The following TTC17 variants were observed in gnomAD, a reference collection of about 807,000 sequenced individuals.
TTC17 encodes the protein tetratricopeptide repeat protein 17.
TTC17 carries 58 observed loss-of-function variants against 143.8 expected under a neutral mutation model. The ratio of observed to expected loss-of-function variants is 0.40; its 90% CI spans 0.33 to 0.50. The LOEUF (loss-of-function observed/expected upper bound fraction) is 0.50. Ranked by LOEUF, TTC17 falls within the 20% of genes least tolerant of loss-of-function variation. The pLI is 0.49. For synonymous variants in TTC17, 501 were observed against 497.8 expected (o/e 1.01, Z -0.09); for missense variants, 1,273 against 1,392.5 (o/e 0.91, Z 1.37).
chr11:43,467,729 A>AC (rs1490649250), intron 21 of TTC17, among the ~76,000 whole-genome samples: 1 of 152,256 alleles, frequency 6.6e-6, no homozygotes, highest in African/African-American at 2.4e-5. Context: ...AGATAGGTCA[A>AC]AACAGGTTAT....
intron 16 of TTC17, among the ~76,000 whole-genome samples, chr11:43,438,099 A>G (rs1283444645): frequency 6.6e-6 from 1 of 152,250 alleles, no homozygotes; most frequent in African/African-American, 2.4e-5. Flanking sequence ...TCTGACTTCA[A>G]ATCAGATCAC....
At chr11:43,465,134 C>T (rs57636547) in intron 21 of TTC17, among the ~76,000 whole-genome samples, 41,059 of 152,022 alleles carry the variant, frequency 0.27, 6,165 homozygotes, top group African/African-American at 0.39. Context: ...AATGGCAAGA[C>T]CAGCAAGAAG....
At chr11:43,444,720 C>T (rs1325510400) in intron 18 of TTC17, among the ~76,000 whole-genome samples, 1 of 117,450 alleles carries the variant, frequency 8.5e-6, no homozygotes, top group East Asian at 2.7e-4. Flanking sequence ...TCACCAAATA[C>T]ATACACACAC....
chr11:43,442,794 T>C (rs1397380224), intron 16 of TTC17, among the ~76,000 whole-genome samples: 1 of 152,232 alleles, frequency 6.6e-6, no homozygotes, highest in Non-Finnish European at 1.5e-5. Context: ...ATTATTGTAG[T>C]ATATTGCTAT....
At chr11:43,425,322 G>GA (rs200325712) in intron 16 of TTC17, among the ~76,000 whole-genome samples, 31 of 150,712 alleles carry the variant, frequency 2.1e-4, no homozygotes, top group African/African-American at 6.6e-4. Flanking sequence ...CCTGTCTCTT[G>GA]AAAAAAAAAA....
intron 5 of TTC17, among the ~76,000 whole-genome samples, chr11:43,393,952 G>A (rs897912265): frequency 3.3e-5 from 5 of 152,256 alleles, no homozygotes; most frequent in South Asian, 4.1e-4. Context: ...CCTTCTCTCC[G>A]TGTCCTCACA....
At chr11:43,431,886 T>A (rs1251211821) in intron 16 of TTC17, among the ~76,000 whole-genome samples, 3 of 152,202 alleles carry the variant, frequency 2.0e-5, no homozygotes, top group African/African-American at 7.2e-5. Flanking sequence ...AAAGGTAAAG[T>A]AACTTGTCTT....
intron 1 of TTC17, among the ~76,000 whole-genome samples, chr11:43,369,192 G>A (rs1178574519): frequency 1.3e-5 from 2 of 152,212 alleles, no homozygotes; most frequent in Non-Finnish European, 2.9e-5. Context: ...ATTAGAAAAT[G>A]TGGACTGGTA....
At chr11:43,390,077 C>G (rs891078043) in intron 3 of TTC17, among the ~76,000 whole-genome samples, 3 of 151,980 alleles carry the variant, frequency 2.0e-5, no homozygotes, top group African/African-American at 2.4e-5. Context: ...GAGGCCAAGG[C>G]GGGAAGATTG....
At chr11:43,465,264 A>G (rs1947948710) in intron 21 of TTC17, among the ~76,000 whole-genome samples, 1 of 152,234 alleles carries the variant, frequency 6.6e-6, no homozygotes, top group Non-Finnish European at 1.5e-5. Context: ...TGTCTTTAGA[A>G]GATAACATCA....
At chr11:43,383,126 G>C (rs934855517) in intron 2 of TTC17, among the ~76,000 whole-genome samples, 6 of 151,958 alleles carry the variant, frequency 3.9e-5, no homozygotes, top group Non-Finnish European at 8.8e-5. Context: ...CAAACTCCTG[G>C]GCTCAAGCAG....
chr11:43,360,629 AAGT>A (rs1203573381), intron 1 of TTC17, among the ~76,000 whole-genome samples: 3 of 152,206 alleles, frequency 2.0e-5, no homozygotes, highest in Non-Finnish European at 4.4e-5. Context: ...TCAGCTGAAA[AAGT>A]AGCCCATCTA....
chr11:43,409,847 CTTT>C (rs1435453658), intron 15 of TTC17, among the ~76,000 whole-genome samples: 2 of 143,944 alleles, frequency 1.4e-5, no homozygotes, highest in African/African-American at 2.5e-5. Flanking sequence ...TTTTTCTTTT[CTTT>C]TTTTTTTTTG....
At chr11:43,360,575 C>T (rs1460519209) in intron 1 of TTC17, among the ~76,000 whole-genome samples, 3 of 152,176 alleles carry the variant, frequency 2.0e-5, no homozygotes, top group Admixed American at 6.5e-5. Flanking sequence ...GCTATTTATA[C>T]TCTATGACAT....
At chr11:43,388,306 TTAAG>T (rs1441198289) in intron 2 of TTC17, among the ~76,000 whole-genome samples, 3 of 152,112 alleles carry the variant, frequency 2.0e-5, no homozygotes, top group African/African-American at 4.8e-5. Flanking sequence ...TGTAGATACA[TTAAG>T]TATGATACCA....
intron 15 of TTC17, among the ~76,000 whole-genome samples, chr11:43,410,905 A>G (rs896195546): frequency 1.2e-4 from 18 of 152,188 alleles, no homozygotes; most frequent in Non-Finnish European, 1.8e-4. Flanking sequence ...TTTTCAAAAT[A>G]TACCTCAGAT....
At position 43,409,847 on chromosome 11, in the gene TTC17, C is replaced by CT. The variant is rs1435453658; in HGVS notation, c.2064+2282dup. Among the ~76,000 whole-genome samples, 972 of 143,850 alleles carry CT rather than the reference C, an allele frequency of 6.8e-3. 5 individuals carry two copies. The highest frequency in any genetic ancestry group is 0.018 in the African/African-American group (723 of 39,490). The allele number at this position is 143,850 out of a possible 152,430, so 94.4% of individuals were successfully genotyped here. On this transcript the variant is annotated intron_variant, in intron 15 of 23. Coordinates refer to ENST00000039989, the MANE Select transcript of TTC17 (RefSeq NM_018259.6). The stretch of plus-strand genomic sequence containing the variant: ...TTTTTCTTTTTTCCTTTTTTCTTTT[C>CT]TTTTTTTTTTTTGAGACAAAATCTT...
At chr11:43,444,417 A>C (rs989859303) in intron 18 of TTC17, 1 of 396,948 alleles carries the variant, frequency 2.5e-6, no homozygotes, top group Non-Finnish European at 4.4e-6. Flanking sequence ...TGGATTTAAC[A>C]TTATGTGTAA....
chr11:43,431,239 G>C (rs953309439), intron 16 of TTC17, among the ~76,000 whole-genome samples: 1 of 152,276 alleles, frequency 6.6e-6, no homozygotes, highest in East Asian at 1.9e-4. Context: ...ACATACGTGT[G>C]CATGTGTCTT....
Sources: gnomAD v4.1 joint callset for allele counts (sites outside exome capture counted in the v4.1 genomes callset) on GRCh38, gnomAD v4.1.1 for gene constraint, MANE v1.5 for transcripts, NCBI Gene and HGNC (gene_info 2026-07-23, HGNC 2026-07-21) for gene names.